RBFOX1: variants seen among roughly 807,000 people sequenced by gnomAD.
RBFOX1 encodes the protein RNA binding protein fox-1 homolog 1.
Under a neutral mutation model 57.7 loss-of-function variants are expected in RBFOX1, and 8 were observed. That is an observed-to-expected ratio of 0.14 (90% CI 0.08 to 0.25). The LOEUF is 0.25. RBFOX1 is among the 10% of genes least tolerant of loss of function. The probability of loss-of-function intolerance (pLI) is 1.00; values close to 1 mark genes in which losing one functional copy is unlikely to be tolerated. For missense variants in RBFOX1, 611 were observed against 548.5 expected (o/e 1.11, Z -1.14); for synonymous variants, 326 against 222.4 (o/e 1.47, Z -4.15).
intron 4 of RBFOX1, among the ~76,000 whole-genome samples, chr16:5,936,963 T>G (rs2059180524): frequency 6.6e-6 from 1 of 152,200 alleles, no homozygotes; most frequent in Admixed American, 6.5e-5. Flanking sequence ...TTCACTTACA[T>G]ATTTCTGCTC....
chr16:5,757,474 CCCT>C (rs1184242446), intron 3 of RBFOX1, among the ~76,000 whole-genome samples: 1 of 152,066 alleles, frequency 6.6e-6, no homozygotes, highest in Non-Finnish European at 1.5e-5. Flanking sequence ...TTGTGATCTG[CCCT>C]CCTCAGCCTC....
chr16:5,716,869 G>C (rs896680771), intron 3 of RBFOX1, among the ~76,000 whole-genome samples: 43 of 152,288 alleles, frequency 2.8e-4, no homozygotes, highest in Non-Finnish European at 5.0e-4. Context: ...CCAGGACTCT[G>C]CCCCTAAAAT....
chr16:5,980,003 A>C (rs1450837770), intron 4 of RBFOX1, among the ~76,000 whole-genome samples: 1 of 152,148 alleles, frequency 6.6e-6, no homozygotes, highest in Non-Finnish European at 1.5e-5. Context: ...TGCCTGCAGA[A>C]ACTGCTGTGC....
At chr16:6,712,531 C>T (rs1438939455) in intron 3 of RBFOX1, among the ~76,000 whole-genome samples, 1 of 152,124 alleles carries the variant, frequency 6.6e-6, no homozygotes, top group Non-Finnish European at 1.5e-5. Flanking sequence ...TTTCCAGTGA[C>T]ACAGGGCATC....
rs150527567 is a variant in RBFOX1 at position 6,673,068 on chromosome 16, C to T, written c.-16+18418C>T. Among the ~76,000 whole-genome samples, 286 of 152,284 alleles carry T rather than the reference C, an allele frequency of 1.9e-3. 2 individuals carry two copies. The highest frequency in any genetic ancestry group is 6.6e-3 in the African/African-American group (276 of 41,558). On this transcript the variant is annotated intron_variant, in intron 3 of 15. Transcript: ENST00000550418. ...TGAAGAAAAACCACAGTGCTTCTTACCAGAGTTGGAATAGAGATTGGTCAC... is the reference window on the plus strand; with the variant it reads ...TGAAGAAAAACCACAGTGCTTCTTATCAGAGTTGGAATAGAGATTGGTCAC...
At chr16:7,117,667 T>A (rs1476487104) in intron 4 of RBFOX1, among the ~76,000 whole-genome samples, 2 of 152,236 alleles carry the variant, frequency 1.3e-5, no homozygotes, top group Non-Finnish European at 2.9e-5. Flanking sequence ...CATTACCACC[T>A]GCAGAAGCTT....
At chr16:6,894,769 T>C (rs1026374960) in intron 3 of RBFOX1, among the ~76,000 whole-genome samples, 4 of 152,184 alleles carry the variant, frequency 2.6e-5, no homozygotes, top group African/African-American at 4.8e-5. Context: ...TTTTCTATTA[T>C]CTTAAAAAGC....
intron 3 of RBFOX1, among the ~76,000 whole-genome samples, chr16:6,957,639 T>C (rs1374980702): frequency 6.6e-6 from 1 of 152,106 alleles, no homozygotes; most frequent in African/African-American, 2.4e-5. Flanking sequence ...GACCCGTATC[T>C]TGTGCCGACA....
At chr16:7,543,893 G>A (rs1256435778) in intron 5 of RBFOX1, among the ~76,000 whole-genome samples, 1 of 44,000 alleles carries the variant, frequency 2.3e-5, no homozygotes, top group Non-Finnish European at 6.6e-5. Flanking sequence ...GCTAATTTTT[G>A]TATTTTTAGT....
chr16:5,804,166 G>C (rs17792406), intron 3 of RBFOX1, among the ~76,000 whole-genome samples: 55,854 of 152,144 alleles, frequency 0.37, 11,445 homozygotes, highest in South Asian at 0.53. Flanking sequence ...TCCTTCAAGA[G>C]AAGCATATTG....
At chr16:6,790,396 G>A (rs558465383) in intron 3 of RBFOX1, among the ~76,000 whole-genome samples, 2 of 152,046 alleles carry the variant, frequency 1.3e-5, no homozygotes, top group East Asian at 3.9e-4. Context: ...TGTTTGCCTG[G>A]CTGGTCTTGA....
chr16:7,234,347 G>T (rs1005878348), intron 4 of RBFOX1, among the ~76,000 whole-genome samples: 1 of 152,016 alleles, frequency 6.6e-6, no homozygotes, highest in Non-Finnish European at 1.5e-5. Flanking sequence ...TTGAGATGAG[G>T]AATCTATTTG....
chr16:6,081,629 G>A (rs2096003190), intron 1 of RBFOX1, among the ~76,000 whole-genome samples: 1 of 152,162 alleles, frequency 6.6e-6, no homozygotes, highest in Non-Finnish European at 1.5e-5. Context: ...TGAACCTGGG[G>A]TTCCTAGCTT....
At chr16:6,152,412 C>T (rs1228672626) in intron 1 of RBFOX1, among the ~76,000 whole-genome samples, 2 of 152,074 alleles carry the variant, frequency 1.3e-5, no homozygotes, top group Admixed American at 6.6e-5. Context: ...TGTTGAAACT[C>T]CCAGAGGCCT....
chr16:7,676,694 C>T (rs879134769), intron 13 of RBFOX1, 80 bp from the exon 14 acceptor site: 3 of 1,234,072 alleles, frequency 2.4e-6, no homozygotes, highest in Admixed American at 3.4e-5. Context: ...GTAACAGCTG[C>T]TCTGGTGTGG....
At chr16:7,159,886 C>G in intron 4 of RBFOX1, among the ~76,000 whole-genome samples, 1 of 152,156 alleles carries the variant, frequency 6.6e-6, no homozygotes. Context: ...ATCATATATA[C>G]TAATTATTGC....
intron 2 of RBFOX1, among the ~76,000 whole-genome samples, chr16:6,433,445 T>C (rs1319883309): frequency 1.3e-5 from 2 of 152,212 alleles, no homozygotes; most frequent in Non-Finnish European, 2.9e-5. Flanking sequence ...GACTCAGACA[T>C]GAATGCAAGT....
chr16:5,756,711 A>G (rs2151633170), intron 3 of RBFOX1, among the ~76,000 whole-genome samples: 1 of 152,330 alleles, frequency 6.6e-6, no homozygotes, highest in African/African-American at 2.4e-5. Context: ...ATCACAGCAG[A>G]AAGGCTTATA....
chr16:5,330,741 G>T (rs2064730871), intron 1 of RBFOX1, among the ~76,000 whole-genome samples: 1 of 150,630 alleles, frequency 6.6e-6, no homozygotes, highest in African/African-American at 2.4e-5. Flanking sequence ...AAACCCTGTG[G>T]CCACAGCAGA....
Sources: gnomAD v4.1 joint callset for allele counts (sites outside exome capture counted in the v4.1 genomes callset) on GRCh38, gnomAD v4.1.1 for gene constraint, MANE v1.5 for transcripts, NCBI Gene and HGNC (gene_info 2026-07-23, HGNC 2026-07-21) for gene names.